CDH5: variants seen among roughly 807,000 people sequenced by gnomAD.
CDH5 encodes the protein cadherin 5.
In CDH5, 28 loss-of-function variants were observed where a neutral mutation model predicts 62.0. The observed-to-expected ratio is 0.45, with a 90% CI of 0.33 to 0.62. The LOEUF (loss-of-function observed/expected upper bound fraction) is 0.62. Among genes scored for constraint, CDH5 ranks in the 20% least tolerant of loss-of-function variants. The pLI, the probability that CDH5 is intolerant of heterozygous loss-of-function variation, is 0.02. For missense variants in CDH5, 940 were observed against 1,065.1 expected, an observed-to-expected ratio of 0.88 and a Z score of 1.63; for synonymous variants, 464 against 445.8, an observed-to-expected ratio of 1.04 and a Z score of -0.52.
At chr16:66,398,276 G>A (rs1961222197) in intron 9 of CDH5, among the ~76,000 whole-genome samples, 170 bp downstream of exon 9, 1 of 152,174 alleles carries the variant, frequency 6.6e-6, no homozygotes, top group African/African-American at 2.4e-5. Context: ...AATATATGGG[G>A]AGTAGATTGG....
chr16:66,379,873 G>A (rs1255312382), intron 2 of CDH5, among the ~76,000 whole-genome samples: 1 of 151,654 alleles, frequency 6.6e-6, no homozygotes, highest in African/African-American at 2.4e-5. Flanking sequence ...TGATGGTGGT[G>A]GTGGCTGTGA....
At chr16:66,383,618 G>A (rs1258387376) in intron 2 of CDH5, among the ~76,000 whole-genome samples, 1 of 151,764 alleles carries the variant, frequency 6.6e-6, no homozygotes, top group African/African-American at 2.4e-5. Flanking sequence ...CTCACACAGG[G>A]CCCCAAACTG....
At chr16:66,392,441 G>C in intron 7 of CDH5, 58 bp downstream of exon 7, 1 of 1,600,834 alleles carries the variant, frequency 6.2e-7, no homozygotes. Context: ...ATGTTCCTAT[G>C]CCTGCTGGTC....
intron 2 of CDH5, among the ~76,000 whole-genome samples, chr16:66,381,171 A>G (rs1960891958): frequency 6.6e-6 from 1 of 152,122 alleles, no homozygotes; most frequent in African/African-American, 2.4e-5. Flanking sequence ...TAGGCCTTTG[A>G]ACCTCCTCAA....
At position 66,392,143 on chromosome 16, in the gene CDH5, A is replaced by G; in HGVS notation, c.977A>G (p.Asp326Gly). ...EGIIKPMKPL[D>G]YEYIQQYSFI... is the part of the protein sequence containing the mutation. Reference sequence around the variant, plus strand: ...TCCTTTTTCCTTACGCAGCCTCTGGATTATGAATACATCCAGCAATACAGC... The same window carrying G: ...TCCTTTTTCCTTACGCAGCCTCTGGGTTATGAATACATCCAGCAATACAGC... The change falls in exon 7 of 12, where the codon GAT becomes GGT. Residue 326 changes from aspartate (D) to glycine (G), a missense_variant. Transcript: ENST00000341529. 1 of 1,614,124 alleles carries G rather than the reference A, an allele frequency of 6.2e-7. No individual in the cohort carries two copies. Among genetic ancestry groups the G allele is most frequent in the Non-Finnish European group, 8.5e-7 (1 of 1,180,040 alleles).
chr16:66,380,753 G>T (rs913774078), intron 2 of CDH5, among the ~76,000 whole-genome samples: 1 of 151,520 alleles, frequency 6.6e-6, no homozygotes, highest in Non-Finnish European at 1.5e-5. Flanking sequence ...AAAGGGGAAG[G>T]TGGTGGTTGT....
chr16:66,398,091 C>A lies in CDH5; in HGVS notation c.1470C>A (p.Asn490Lys), dbSNP rs370750196. The A allele has an allele frequency of 6.2e-7, 1 of 1,614,082 alleles. No homozygotes were observed. The highest frequency in any genetic ancestry group is 8.5e-7 in the Non-Finnish European group (1 of 1,180,040). ...AKPYQPKVCE[N>K]AVHGQLVLQI... ...CCTACCAGCCCAAAGTGTGTGAGAA[C>A]GCTGTCCATGGCCAGGTGAGTCTGG... The change falls in exon 9 of 12, where the codon AAC (asparagine) becomes AAA (lysine). Residue 490 changes from asparagine to lysine, a missense_variant. Transcript: ENST00000341529.
chr16:66,376,324 T>C (rs1960786099), intron 1 of CDH5: 1 of 152,166 alleles, frequency 6.6e-6, no homozygotes. Context: ...GTGCAGTCCA[T>C]TGTTGACCAA....
intron 11 of CDH5, among the ~76,000 whole-genome samples, chr16:66,401,787 G>A (rs1283239555): frequency 6.6e-6 from 1 of 152,212 alleles, no homozygotes; most frequent in African/African-American, 2.4e-5. Context: ...GGAGCACAGT[G>A]ATGTACTGTA....
intron 7 of CDH5, chr16:66,392,909 T>C (rs966355647): frequency 6.5e-6 from 1 of 154,366 alleles, no homozygotes; most frequent in Admixed American, 6.3e-5. Flanking sequence ...CACACAAACA[T>C]GTGGATGCAT....
intron 7 of CDH5, 95 bp downstream of exon 7, chr16:66,392,478 T>C (rs1265871061): frequency 1.9e-5 from 28 of 1,499,408 alleles, no homozygotes; most frequent in Non-Finnish European, 2.5e-5. Context: ...AGAGGGGAAC[T>C]GGCTTCTCCT....
At chr16:66,372,325 T>TA (rs1567459361) in intron 1 of CDH5, among the ~76,000 whole-genome samples, 1 of 152,236 alleles carries the variant, frequency 6.6e-6, no homozygotes, top group Non-Finnish European at 1.5e-5. Flanking sequence ...TCAATAAATG[T>TA]TTGCTGCATG....
intron 2 of CDH5, among the ~76,000 whole-genome samples, chr16:66,383,256 C>A (rs1250521040): frequency 6.6e-6 from 1 of 151,946 alleles, no homozygotes; most frequent in Non-Finnish European, 1.5e-5. Flanking sequence ...TAAACTATGC[C>A]CTCTGGTAAA....
intron 10 of CDH5, 43 bp downstream of exon 10, chr16:66,398,604 C>T: frequency 9.9e-7 from 1 of 1,006,498 alleles, no homozygotes; most frequent in South Asian, 1.3e-5. Context: ...TGATGACCCA[C>T]ACCTGTAGTC....
At position 66,381,010 on chromosome 16, in the gene CDH5, G is replaced by C. The variant is rs989525598; in HGVS notation, c.210+1463G>C. 3.3e-5 allele frequency among the ~76,000 whole-genome samples: 5 copies of C among 152,196 alleles called. No individual in the cohort carries two copies. The South Asian group carries it at 6.2e-4, about 19-fold the overall frequency. ...GTGCCCAAGCTGATGAGGCTCACCT[G>C]GCCTGGGGGTTCAAGGTTTAGGACA... On this transcript the variant is annotated intron_variant, in intron 2 of 11. Coordinates refer to ENST00000341529, the MANE Select transcript of CDH5 (RefSeq NM_001795.5).
intron 5 of CDH5, among the ~76,000 whole-genome samples, 186 bp from the exon 6 acceptor site, chr16:66,390,217 G>A (rs1961058115): frequency 6.6e-6 from 1 of 152,216 alleles, no homozygotes; most frequent in East Asian, 1.9e-4. Flanking sequence ...TGGATGGAGG[G>A]ATGGATGGAT....
rs75566182 is a variant in CDH5 at position 66,374,397 on chromosome 16, C to T, written c.-19-4922C>T. Among the ~76,000 whole-genome samples, 1,290 of 152,342 alleles carry T rather than the reference C, an allele frequency of 8.5e-3. 17 individuals are homozygous for T. The highest frequency in any genetic ancestry group is 0.032 in the East Asian group (164 of 5,180). On this transcript the variant is annotated intron_variant, in intron 1 of 11. Coordinates refer to ENST00000341529, the MANE Select transcript of CDH5 (RefSeq NM_001795.5). ...GACCTCCCTCTGCCCTGGCAAATGA[C>T]ACACAGCTGCTGTGAGGTGACTCTG...
intron 1 of CDH5, among the ~76,000 whole-genome samples, chr16:66,374,039 T>G (rs1201434632): frequency 6.6e-6 from 1 of 152,108 alleles, no homozygotes; most frequent in Non-Finnish European, 1.5e-5. Flanking sequence ...CAGCCTAAGT[T>G]CAAATCCTGG....
At chr16:66,398,163 G>T in intron 9 of CDH5, 57 bp downstream of exon 9, 1 of 1,602,246 alleles carries the variant, frequency 6.2e-7, no homozygotes, top group East Asian at 2.2e-5. Flanking sequence ...AGGCTGGGGG[G>T]CAGAACTGCT....
Sources: gnomAD v4.1 joint callset for allele counts (sites outside exome capture counted in the v4.1 genomes callset) on GRCh38, gnomAD v4.1.1 for gene constraint, MANE v1.5 for transcripts, NCBI Gene and HGNC (gene_info 2026-07-23, HGNC 2026-07-21) for gene names.